Variants in FKBP5 observed in about 807,000 individuals in gnomAD.
FKBP5 encodes the protein peptidyl-prolyl cis-trans isomerase FKBP5.
Under a neutral mutation model 50.5 loss-of-function variants are expected in FKBP5, and 23 were observed. The observed-to-expected ratio is 0.46, with a 90% CI of 0.33 to 0.65. The LOEUF is 0.65. Among genes scored for constraint, FKBP5 ranks in the 30% least tolerant of loss-of-function variants. The pLI, the probability that FKBP5 is intolerant of heterozygous loss-of-function variation, is 0.02. For missense variants in FKBP5, 411 were observed against 553.1 expected (o/e 0.74, Z 2.58); for synonymous variants, 176 against 190.6 (o/e 0.92, Z 0.63).
At chr6:35,708,211 T>A (rs1045755943) in intron 2 of FKBP5, among the ~76,000 whole-genome samples, 10 of 152,198 alleles carry the variant, frequency 6.6e-5, no homozygotes. Context: ...TATAAATAAC[T>A]TAAGGTCTGC....
intron 7 of FKBP5, among the ~76,000 whole-genome samples, chr6:35,589,254 G>A (rs972538607): frequency 6.6e-6 from 1 of 150,534 alleles, no homozygotes; most frequent in Admixed American, 6.6e-5. Context: ...TCAGCTTCCC[G>A]AATAGCTGAG....
In FKBP5 at chr6:35,587,043, T is replaced by C. The variant is rs755773238; in HGVS notation, c.831A>G (p.Val277=). The change falls in exon 8 of 11, where the codon GTA becomes GTG. Residue 277 remains valine, a synonymous_variant. Coordinates refer to ENST00000357266, the MANE Select transcript of FKBP5 (RefSeq NM_004117.4). ...QAAIVKEKGT[V]YFKGGKYMQA... Reference sequence around the variant, plus strand: ...ATAGGGACTCACACACCTTGAAGTATACGGTTCCCTTCTCTTTGACAATGG... The same window carrying C: ...ATAGGGACTCACACACCTTGAAGTACACGGTTCCCTTCTCTTTGACAATGG... 6.2e-7 allele frequency: 1 copy of C among 1,613,978 alleles called. No homozygotes were observed.
intron 1 of FKBP5, among the ~76,000 whole-genome samples, chr6:35,647,820 T>C (rs1370514176): frequency 6.6e-6 from 1 of 152,228 alleles, no homozygotes; most frequent in Non-Finnish European, 1.5e-5. Flanking sequence ...GTCAAGGTAC[T>C]TGTCTTCTTT....
rs764691592 is a variant in FKBP5 at position 35,580,135 on chromosome 6, C to T, written c.927G>A (p.Ser309=). The part of the protein sequence containing the change: ...EMEYGLSEKE[S]KASESFLLAA... Reference sequence around the variant, plus strand: ...CAAGGAGAAATGATTCAGAAGCTTTCGATTCCTTTTCTGATAAACCATATT... The same window carrying T: ...CAAGGAGAAATGATTCAGAAGCTTTTGATTCCTTTTCTGATAAACCATATT... The change falls in exon 9 of 11, where the codon TCG becomes TCA. Residue 309 remains serine, a synonymous_variant. Coordinates refer to ENST00000357266, the MANE Select transcript of FKBP5 (RefSeq NM_004117.4). 4.6e-5 allele frequency: 75 copies of T among 1,613,904 alleles called. No homozygotes were observed. The highest frequency in any genetic ancestry group is 6.0e-5 in the Non-Finnish European group (71 of 1,179,914).
intron 1 of FKBP5, among the ~76,000 whole-genome samples, chr6:35,683,218 T>C (rs908928914): frequency 6.7e-6 from 1 of 148,250 alleles, no homozygotes; most frequent in Non-Finnish European, 1.5e-5. Flanking sequence ...GGCTGGAGTA[T>C]GGTGGCTCAC....
chr6:35,619,338 A>T, intron 4 of FKBP5, 128 bp from the exon 5 acceptor site: 1 of 567,164 alleles, frequency 1.8e-6, no homozygotes, highest in Non-Finnish European at 3.1e-6. Context: ...ACATTCATTT[A>T]TGCATCTTAA....
At chr6:35,586,590 G>T (rs1762606456) in intron 8 of FKBP5, 4 of 983,356 alleles carry the variant, frequency 4.1e-6, no homozygotes, top group Non-Finnish European at 4.8e-6. Flanking sequence ...AAGAAAGGGA[G>T]ACCCTGTCTC....
intron 2 of FKBP5, 72 bp downstream of exon 2, chr6:35,642,648 C>A (rs1764525396): frequency 6.0e-6 from 7 of 1,163,582 alleles, no homozygotes. Context: ...CCCCAGCCCC[C>A]CTCAGAAAGA....
chr6:35,578,861 G>A (rs1481967139), intron 9 of FKBP5, among the ~76,000 whole-genome samples: 1 of 151,984 alleles, frequency 6.6e-6, no homozygotes, highest in African/African-American at 2.4e-5. Context: ...TCTGTCAATA[G>A]AAGACAGAAA....
In FKBP5 at chr6:35,575,729, T is replaced by A; in HGVS notation, c.*106A>T. On this transcript the variant is annotated 3_prime_UTR_variant, in exon 11 of 11. Transcript: ENST00000357266. ...TTTGCCATTTGCTTCCAGAATCACA[T>A]AGACTATAACAAACTTTACATTAAA... is the stretch of plus-strand genomic sequence containing the variant. 1.2e-6 allele frequency: 1 copy of A among 826,912 alleles called. No homozygotes were observed. The highest frequency in any genetic ancestry group is 2.4e-5 in the East Asian group (1 of 41,060). The allele number at this position is 826,912 out of a possible 1,614,324, so 51.2% of individuals were successfully genotyped here.
At chr6:35,619,333 C>A (rs544781799) in intron 4 of FKBP5, 123 bp from the exon 5 acceptor site, 181 of 494,892 alleles carry the variant, frequency 3.7e-4, no homozygotes, top group Middle Eastern at 9.3e-4. Context: ...TATATACATT[C>A]ATTTATGCAT....
At chr6:35,710,146 G>GT (rs1362894282) in intron 2 of FKBP5, among the ~76,000 whole-genome samples, 1 of 152,204 alleles carries the variant, frequency 6.6e-6, no homozygotes, top group African/African-American at 2.4e-5. Context: ...GGCAGCATCT[G>GT]TGTGCTTCAG....
At chr6:35,615,780 T>C (rs374228160) in intron 5 of FKBP5, among the ~76,000 whole-genome samples, 2 of 152,232 alleles carry the variant, frequency 1.3e-5, no homozygotes, top group East Asian at 1.9e-4. Context: ...TCACTCCTAA[T>C]ACTTTTTAAT....
At chr6:35,717,337 T>C (rs896603939) in intron 2 of FKBP5, among the ~76,000 whole-genome samples, 3 of 151,800 alleles carry the variant, frequency 2.0e-5, no homozygotes, top group African/African-American at 7.3e-5. Flanking sequence ...CGTGTGAGAG[T>C]GTGTGCCTGT....
intron 6 of FKBP5, among the ~76,000 whole-genome samples, chr6:35,595,001 A>C (rs1762938709): frequency 6.6e-6 from 1 of 152,190 alleles, no homozygotes; most frequent in African/African-American, 2.4e-5. Context: ...CACAATAGCA[A>C]CAAAAGCTCA....
intron 1 of FKBP5, among the ~76,000 whole-genome samples, chr6:35,682,850 C>A (rs1313181781): frequency 6.7e-6 from 1 of 149,526 alleles, no homozygotes; most frequent in African/African-American, 2.5e-5. Context: ...TGTGTCGAGG[C>A]TGCAGTTAGC....
chr6:35,678,999 T>C (rs1433309382), intron 1 of FKBP5, among the ~76,000 whole-genome samples: 9 of 152,168 alleles, frequency 5.9e-5, no homozygotes, highest in Admixed American at 5.9e-4. Context: ...GGGAGGACTG[T>C]TTGTACTTAG....
intron 1 of FKBP5, among the ~76,000 whole-genome samples, chr6:35,669,137 A>G (rs1388195494): frequency 2.0e-5 from 3 of 152,224 alleles, no homozygotes; most frequent in South Asian, 4.1e-4. Context: ...AATTCAGTGT[A>G]TGAAAACAGA....
intron 2 of FKBP5, among the ~76,000 whole-genome samples, chr6:35,699,454 G>A (rs1158008459): frequency 1.3e-5 from 2 of 152,128 alleles, no homozygotes; most frequent in African/African-American, 4.8e-5. Context: ...ATCTGGGGAC[G>A]ACCAAGGTTA....
Sources: gnomAD v4.1 joint callset for allele counts (sites outside exome capture counted in the v4.1 genomes callset) on GRCh38, gnomAD v4.1.1 for gene constraint, MANE v1.5 for transcripts, NCBI Gene and HGNC (gene_info 2026-07-23, HGNC 2026-07-21) for gene names.